Variants in GTF2I observed in about 807,000 individuals in gnomAD.
GTF2I encodes the protein general transcription factor IIi.
A neutral mutation model predicts 67.6 loss-of-function variants in GTF2I; 12 were observed. The ratio of observed to expected loss-of-function variants is 0.18; its 90% CI spans 0.11 to 0.29. The LOEUF (loss-of-function observed/expected upper bound fraction) is 0.29. Among genes scored for constraint, GTF2I ranks in the 10% least tolerant of loss-of-function variants. The pLI is 1.00. For synonymous variants in GTF2I, 149 were observed against 197.0 expected (o/e 0.76, Z 2.04); for missense variants, 271 against 580.1 (o/e 0.47, Z 5.47).
In GTF2I at chr7:74,689,154, T is replaced by G; in HGVS notation, c.26T>G (p.Leu9Arg). 1 of 1,611,888 alleles carries G rather than the reference T, an allele frequency of 6.2e-7. No individual in the cohort carries two copies. Among genetic ancestry groups the G allele is most frequent in the South Asian group, 1.1e-5 (1 of 91,034 alleles). Reference protein sequence around the residue: MAQVAMSTLPVEDEESSES... With the variant: MAQVAMSTRPVEDEESSES... Reference sequence around the variant, plus strand: ...ATGGCCCAAGTTGCAATGTCCACCCTCCCCGTTGAAGATGAGGAGTCCTCG... The same window carrying G: ...ATGGCCCAAGTTGCAATGTCCACCCGCCCCGTTGAAGATGAGGAGTCCTCG... Residue 9 changes from leucine (L) to arginine (R), a missense_variant, in exon 2 of 35, where the codon CTC becomes CGC. Transcript: ENST00000573035.
chr7:74,673,052 G>A (rs1584090507), intron 1 of GTF2I, among the ~76,000 whole-genome samples: 1 of 152,006 alleles, frequency 6.6e-6, no homozygotes, highest in African/African-American at 2.4e-5. Flanking sequence ...AGTAAAGATG[G>A]GGTATCACCG....
chr7:74,660,980 C>T (rs1804436035), intron 1 of GTF2I, among the ~76,000 whole-genome samples: 1 of 152,132 alleles, frequency 6.6e-6, no homozygotes, highest in South Asian at 2.1e-4. Context: ...CTCCATGGCT[C>T]TTGAGCGCTT....
intron 12 of GTF2I, among the ~76,000 whole-genome samples, chr7:74,725,843 TTC>T (rs1344785861): frequency 2.6e-5 from 4 of 151,860 alleles, no homozygotes; most frequent in African/African-American, 9.7e-5. Context: ...CTTTTTCTCT[TTC>T]TTTTTTTTTT....
At chr7:74,723,756 T>A (rs1401289560) in intron 12 of GTF2I, among the ~76,000 whole-genome samples, 2 of 151,616 alleles carry the variant, frequency 1.3e-5, no homozygotes, top group Non-Finnish European at 2.9e-5. Context: ...TAGTAGTGAA[T>A]AATTCAGTGG....
chr7:74,724,053 G>A (rs1440883588), intron 12 of GTF2I, among the ~76,000 whole-genome samples: 5 of 152,102 alleles, frequency 3.3e-5, no homozygotes, highest in Non-Finnish European at 5.9e-5. Flanking sequence ...TTTAATTCTT[G>A]TATTTTCTTA....
intron 12 of GTF2I, among the ~76,000 whole-genome samples, chr7:74,720,905 A>G (rs1327266223): frequency 1.3e-5 from 2 of 152,118 alleles, no homozygotes; most frequent in Admixed American, 6.6e-5. Context: ...CTTTTATAGT[A>G]TAAGACTTTT....
intron 1 of GTF2I, among the ~76,000 whole-genome samples, chr7:74,659,519 A>T (rs1350271686): frequency 6.6e-6 from 1 of 151,634 alleles, no homozygotes; most frequent in East Asian, 1.9e-4. Context: ...CCTCCTGAGT[A>T]GCTGGGATTA....
chr7:74,705,032 C>G, intron 6 of GTF2I, 132 bp from the exon 7 acceptor site: 1 of 656,566 alleles, frequency 1.5e-6, no homozygotes, highest in Non-Finnish European at 2.7e-6. Context: ...GGATGAAAAG[C>G]AGTGTTTATT....
Position 74,716,859 on chromosome 7 carries a change from A to T in GTF2I, c.824-35A>T. The T allele has an allele frequency of 7.0e-7, 1 of 1,419,390 alleles. No individual in the cohort carries two copies. The allele number at this position is 1,419,390 out of a possible 1,614,324, so 87.9% of individuals were successfully genotyped here. A position where few individuals can be genotyped will look rare whatever the true frequency, so the allele number is the denominator to read the frequency against. On this transcript the variant is annotated intron_variant, in intron 10 of 34. Coordinates refer to ENST00000573035, the MANE Select transcript of GTF2I (RefSeq NM_032999.4). ...CTTTCATCTTTCAATGTCAGTTTTTATTGGTTTATTATATGTTGTTTATTT... is the reference window on the plus strand; with the variant it reads ...CTTTCATCTTTCAATGTCAGTTTTTTTTGGTTTATTATATGTTGTTTATTT...
chr7:74,684,804 C>T (rs2527367), intron 1 of GTF2I: 90,583 of 152,038 alleles, frequency 0.6, 29,202 homozygotes, highest in East Asian at 0.9. Flanking sequence ...GTTGCTGTAG[C>T]GTCTGTCCCC....
At chr7:74,679,059 C>A (rs952063543) in intron 1 of GTF2I, among the ~76,000 whole-genome samples, 1 of 146,940 alleles carries the variant, frequency 6.8e-6, no homozygotes, top group East Asian at 2.0e-4. Context: ...CATGAGCCAC[C>A]GCGCCCAGCT....
intron 12 of GTF2I, chr7:74,726,464 A>T (rs880001411): frequency 6.6e-6 from 1 of 152,192 alleles, no homozygotes; most frequent in Non-Finnish European, 1.5e-5. Flanking sequence ...ATCTATTTAT[A>T]GGGTGTCTTG....
intron 1 of GTF2I, among the ~76,000 whole-genome samples, chr7:74,675,157 A>G (rs1283012529): frequency 2.0e-5 from 3 of 152,178 alleles, no homozygotes; most frequent in African/African-American, 7.2e-5. Context: ...CCGGCCTAAT[A>G]TACTTTATTT....
intron 1 of GTF2I, among the ~76,000 whole-genome samples, chr7:74,680,099 A>AAAAATATATATATATATATAT: frequency 1.1e-5 from 1 of 94,966 alleles, no homozygotes; most frequent in South Asian, 3.3e-4. Context: ...AAAAAAAAAA[A>AAAAATATATATATATATATAT]ATATATATAT....
intron 1 of GTF2I, among the ~76,000 whole-genome samples, chr7:74,682,792 C>T (rs1392787384): frequency 6.6e-6 from 1 of 151,866 alleles, no homozygotes; most frequent in Non-Finnish European, 1.5e-5. Context: ...TGCCCCATTA[C>T]CAAAGAAATA....
At chr7:74,704,290 T>TTATTTATTTATA in intron 6 of GTF2I, among the ~76,000 whole-genome samples, 1 of 150,688 alleles carries the variant, frequency 6.6e-6, no homozygotes, top group South Asian at 2.1e-4. Flanking sequence ...ATTTATTTAT[T>TTATTTATTTATA]TATTTTTTTA....
chr7:74,701,960 A>G (rs1409589168), intron 6 of GTF2I, among the ~76,000 whole-genome samples: 1 of 152,198 alleles, frequency 6.6e-6, no homozygotes, highest in African/African-American at 2.4e-5. Context: ...TTCACTGAGC[A>G]TCACTCACTC....
rs1788516548 is a variant in GTF2I, at chr7:74,693,224, AT to A, written c.238+2116del. On this transcript the variant is annotated intron_variant, in intron 3 of 34. Transcript: ENST00000573035. ...TTTTGGTAACTCTTGGCATAGCATT[AT>A]TTGAGACTTTTTCATGATTATTGTA... Among the ~76,000 whole-genome samples, 6 of 102,710 alleles carry A rather than the reference AT, an allele frequency of 5.8e-5. No individual in the cohort carries two copies. In the South Asian group the frequency reaches 1.7e-3, roughly 29 times the overall value. 67.4% of individuals were successfully genotyped at this position (102,710 alleles called of 152,430 possible).
intron 1 of GTF2I, among the ~76,000 whole-genome samples, chr7:74,659,283 A>C (rs782399260): frequency 2.6e-5 from 4 of 151,670 alleles, no homozygotes; most frequent in Non-Finnish European, 4.4e-5. Context: ...TGAAGCGCAG[A>C]GTGGCACAAT....
Sources: gnomAD v4.1 joint callset for allele counts (sites outside exome capture counted in the v4.1 genomes callset) on GRCh38, gnomAD v4.1.1 for gene constraint, MANE v1.5 for transcripts, NCBI Gene and HGNC (gene_info 2026-07-23, HGNC 2026-07-21) for gene names.